The following TSPAN1 variants were observed in gnomAD, a reference collection of about 807,000 sequenced individuals.
TSPAN1 encodes the protein tetraspanin 1.
Under a neutral mutation model 26.9 loss-of-function variants are expected in TSPAN1, and 23 were observed. That is an observed-to-expected ratio of 0.85 (90% CI 0.62 to 1.21). TSPAN1 has a LOEUF of 1.21. Among genes scored for constraint, TSPAN1 ranks in the 50% most tolerant of loss-of-function variants. The pLI is 0.00. For synonymous variants in TSPAN1, 115 were observed against 114.8 expected, an observed-to-expected ratio of 1.00 and a Z score of -0.01; for missense variants, 283 against 298.4, an observed-to-expected ratio of 0.95 and a Z score of 0.38.
chr1:46,178,586 C>T (rs1657240091), intron 1 of TSPAN1, among the ~76,000 whole-genome samples: 1 of 152,118 alleles, frequency 6.6e-6, no homozygotes, highest in Admixed American at 6.5e-5. Context: ...TTGCTTCCAC[C>T]AACTTCTAGC....
chr1:46,194,418 G>A, the TSPAN1 span: 1 of 1,614,200 alleles, frequency 6.2e-7, no homozygotes, highest in East Asian at 2.2e-5. Flanking sequence ...GAAGGATGCG[G>A]TTGTCATGGA....
chr1:46,189,036 C>A, downstream of TSPAN1: 1 of 1,564,358 alleles, frequency 6.4e-7, no homozygotes, highest in South Asian at 1.2e-5. Context: ...CGTAATGATT[C>A]CCAGGTACTC....
chr1:46,190,520 G>A (rs1457187510), downstream of TSPAN1: 2 of 1,603,568 alleles, frequency 1.2e-6, no homozygotes, highest in Middle Eastern at 1.7e-4. Flanking sequence ...TCTTCAGACT[G>A]AAGAGGAGGG....
chr1:46,193,946 A>G, the TSPAN1 span: 2 of 1,613,608 alleles, frequency 1.2e-6, no homozygotes, highest in African/African-American at 2.7e-5. Flanking sequence ...AATAGCGTTT[A>G]GCTCTTGCCT....
At chr1:46,183,746 G>A (rs1341800175) in intron 3 of TSPAN1, 2 of 187,996 alleles carry the variant, frequency 1.1e-5, no homozygotes, top group East Asian at 1.2e-4. Flanking sequence ...CCTCAGCCTC[G>A]CCTCCATTAC....
At chr1:46,192,416 C>T in the TSPAN1 span, 36 of 1,614,084 alleles carry the variant, frequency 2.2e-5, no homozygotes, top group Non-Finnish European at 3.0e-5. Flanking sequence ...GTGCTGGGTC[C>T]TCAGCCGTGT....
the TSPAN1 span, chr1:46,194,731 A>G: frequency 6.2e-7 from 1 of 1,613,958 alleles, no homozygotes; most frequent in Non-Finnish European, 8.5e-7. Context: ...GCCTACTTTC[A>G]TCCAACCCAC....
chr1:46,182,221 G>A (rs12076680), intron 3 of TSPAN1, among the ~76,000 whole-genome samples: 89,101 of 147,746 alleles, frequency 0.6, 27,523 homozygotes, highest in East Asian at 0.99. Flanking sequence ...AATCATGTGC[G>A]CACAGGTAGC....
the TSPAN1 span, chr1:46,192,272 G>A: frequency 6.2e-7 from 1 of 1,614,028 alleles, no homozygotes. Flanking sequence ...GAGTTGGTAG[G>A]GGACTCCAGC....
chr1:46,193,879 C>T, the TSPAN1 span: 95 of 1,614,012 alleles, frequency 5.9e-5, no homozygotes, highest in Non-Finnish European at 7.0e-5. Flanking sequence ...GGGTCGGTTC[C>T]CTGCAATGAC....
In TSPAN1 at chr1:46,184,781, C is replaced by T. The variant is rs1276224184; in HGVS notation, c.340-4C>T. 1 of 1,614,090 alleles carries T rather than the reference C, an allele frequency of 6.2e-7. No homozygotes were observed. The highest frequency in any genetic ancestry group is 2.2e-5 in the East Asian group (1 of 44,898). On this transcript the variant is annotated splice_polypyrimidine_tract_variant and splice_region_variant and intron_variant, in intron 5 of 8. Transcript: ENST00000372003. ...GCCCCTAAACACTGGCCTGCCTCAC[C>T]CAGGCTGAGCACTTCCTGACGTTGC...
rs1399106094 is a variant in TSPAN1 at position 46,184,811 on chromosome 1, A to ATCAAC, written c.366_367insTCAAC (p.Val123SerfsTer24). 11 of 1,614,088 alleles carry ATCAAC rather than the reference A, an allele frequency of 6.8e-6. No individual in the cohort carries two copies. Among genetic ancestry groups the ATCAAC allele is most frequent in the Non-Finnish European group, 9.3e-6 (11 of 1,180,048 alleles). On this transcript the variant is annotated frameshift_variant, in exon 6 of 9. Coordinates refer to ENST00000372003, the MANE Select transcript of TSPAN1 (RefSeq NM_005727.4). LOFTEE classifies it high-confidence loss of function. ...CTGAGCACTTCCTGACGTTGCTGGTAGTGCCTGCCATCAAGAAAGATTATG... is the reference window on the plus strand; with the variant it reads ...CTGAGCACTTCCTGACGTTGCTGGTATCAACGTGCCTGCCATCAAGAAAGATTATG...
intron 3 of TSPAN1, among the ~76,000 whole-genome samples, chr1:46,183,035 G>A (rs1054323170): frequency 2.6e-5 from 4 of 152,012 alleles, no homozygotes; most frequent in Admixed American, 2.0e-4. Flanking sequence ...GGCTGGTCTC[G>A]AACTCCTGGA....
chr1:46,192,548 G>A, the TSPAN1 span: 1 of 1,614,176 alleles, frequency 6.2e-7, no homozygotes, highest in Non-Finnish European at 8.5e-7. Flanking sequence ...TGCAGTACAG[G>A]CTGTCATCCT....
intron 1 of TSPAN1, among the ~76,000 whole-genome samples, chr1:46,179,618 C>T (rs570888148): frequency 6.6e-6 from 1 of 152,162 alleles, no homozygotes; most frequent in Non-Finnish European, 1.5e-5. Flanking sequence ...CTACATCAGG[C>T]GTGCTGGAGC....
downstream of TSPAN1, among the ~76,000 whole-genome samples, chr1:46,188,461 A>G (rs1225413186): frequency 6.6e-6 from 1 of 152,156 alleles, no homozygotes; most frequent in African/African-American, 2.4e-5. Context: ...GGCTGCTCCA[A>G]GCCTCAAGTA....
At chr1:46,187,475 G>A (rs1019011867), downstream of TSPAN1, among the ~76,000 whole-genome samples, 27 of 152,128 alleles carry the variant, frequency 1.8e-4, no homozygotes, top group Non-Finnish European at 3.5e-4. Context: ...TTCCAGGGCA[G>A]CCCAGAACCA....
chr1:46,187,492 C>A (rs760149781), downstream of TSPAN1, among the ~76,000 whole-genome samples: 1 of 152,150 alleles, frequency 6.6e-6, no homozygotes, highest in Non-Finnish European at 1.5e-5. Flanking sequence ...ACCACCACCC[C>A]CTTGCTGAGC....
chr1:46,182,797 G>A (rs1657343195), intron 3 of TSPAN1, among the ~76,000 whole-genome samples: 2 of 150,406 alleles, frequency 1.3e-5, no homozygotes, highest in Admixed American at 6.6e-5. Context: ...TTGTGTTTTT[G>A]TTGTTGTTGT....
Sources: allele counts gnomAD v4.1 joint callset (sites outside exome capture counted in the v4.1 genomes callset), GRCh38; gene constraint gnomAD v4.1.1; transcripts MANE v1.5; gene names NCBI Gene and HGNC (gene_info 2026-07-23, HGNC 2026-07-21).